SYNJ2BP: variants seen among roughly 807,000 people sequenced by gnomAD.
SYNJ2BP encodes the protein synaptojanin 2 binding protein, also known as synaptojanin-2-binding protein.
A neutral mutation model predicts 16.9 loss-of-function variants in SYNJ2BP; 10 were observed. That is an observed-to-expected ratio of 0.59 (90% confidence interval 0.36 to 1.00). SYNJ2BP has a LOEUF of 1.00. Among genes scored for constraint, SYNJ2BP ranks in the 50% least tolerant of loss-of-function variants. The probability of loss-of-function intolerance (pLI) is 0.01; values close to 1 mark genes in which losing one functional copy is unlikely to be tolerated. For synonymous variants in SYNJ2BP, 54 were observed against 68.4 expected (o/e 0.79, Z 1.04); for missense variants, 162 against 186.7 (o/e 0.87, Z 0.77).
At chr14:70,405,744 T>C (rs1464081103) in intron 1 of SYNJ2BP, among the ~76,000 whole-genome samples, 2 of 152,214 alleles carry the variant, frequency 1.3e-5, no homozygotes, top group Non-Finnish European at 2.9e-5. Context: ...AAAGGTAGAA[T>C]ATGGTTCTCT....
chr14:70,412,352 A>T (rs1352047518), intron 1 of SYNJ2BP, among the ~76,000 whole-genome samples: 1 of 152,040 alleles, frequency 6.6e-6, no homozygotes, highest in East Asian at 1.9e-4. Flanking sequence ...ATTTACTGGC[A>T]TTAGAAACTG....
chr14:70,386,984 C>CAG (rs1262189603), intron 2 of SYNJ2BP, among the ~76,000 whole-genome samples: 1 of 152,188 alleles, frequency 6.6e-6, no homozygotes, highest in Non-Finnish European at 1.5e-5. Context: ...TTGCCCTATT[C>CAG]AGTTCTAAAA....
rs764008816 is a variant in SYNJ2BP at position 70,369,994 on chromosome 14, A to G, written c.*2997T>C. On this transcript the variant is annotated 3_prime_UTR_variant, in exon 4 of 4. Transcript: ENST00000256366. ...TATAATGGATCCTGATACCTCATCT[A>G]TAATTTTAGTTTTCTATAGAATCAA... 7 of 152,194 alleles carry G rather than the reference A, an allele frequency of 4.6e-5. No homozygotes were observed. Among genetic ancestry groups the G allele is most frequent in the Non-Finnish European group, 7.3e-5 (5 of 68,048 alleles). 9.4% of individuals were successfully genotyped at this position (152,194 alleles called of 1,614,324 possible). A position where few individuals can be genotyped will look rare whatever the true frequency, so the allele number is the denominator to read the frequency against.
intron 1 of SYNJ2BP, among the ~76,000 whole-genome samples, chr14:70,395,140 G>A (rs915287360): frequency 2.0e-5 from 3 of 152,178 alleles, no homozygotes; most frequent in Non-Finnish European, 4.4e-5. Flanking sequence ...ATATATTCTA[G>A]AGGAAGAATT....
chr14:70,380,212 A>C (rs1217755570), intron 2 of SYNJ2BP, among the ~76,000 whole-genome samples: 1 of 152,246 alleles, frequency 6.6e-6, no homozygotes, highest in Non-Finnish European at 1.5e-5. Flanking sequence ...AGGCTGGCCC[A>C]AAAGCCTTCA....
chr14:70,381,965 G>A lies in SYNJ2BP; in HGVS notation c.202-6194C>T, dbSNP rs147106510. On this transcript the variant is annotated intron_variant, in intron 2 of 3. Coordinates refer to ENST00000256366, the MANE Select transcript of SYNJ2BP (RefSeq NM_018373.3). ...CAAGACCAGTTGTTTGGCCGGGCGC[G>A]GTGGCTCACGCCTGTAATCCCAGCA... is the stretch of plus-strand genomic sequence containing the variant. Among the ~76,000 whole-genome samples, 247 of 152,232 alleles carry A rather than the reference G, an allele frequency of 1.6e-3. 1 individual carries two copies. In the East Asian group the frequency reaches 0.039, roughly 24 times the overall value.
chr14:70,375,324 C>T (rs1025408403), intron 3 of SYNJ2BP, among the ~76,000 whole-genome samples: 1 of 151,586 alleles, frequency 6.6e-6, no homozygotes, highest in Non-Finnish European at 1.5e-5. Context: ...ACCTTAGCAT[C>T]CCAAGTAGCT....
Position 70,416,884 on chromosome 14 carries a change from C to T in SYNJ2BP, c.64+16G>A, listed in dbSNP as rs1358208962. On this transcript the variant is annotated intron_variant, in intron 1 of 3. Coordinates refer to ENST00000256366, the MANE Select transcript of SYNJ2BP (RefSeq NM_018373.3). ...TCTAATCCCCTACTGTCAGATATGA[C>T]CCTTTCCGCACATACCTGAGGGCCC... 3 of 1,613,962 alleles carry T rather than the reference C, an allele frequency of 1.9e-6. No individual in the cohort carries two copies. In the African/African-American group the frequency reaches 4.0e-5, roughly 22 times the overall value.
At chr14:70,388,356 C>G in intron 2 of SYNJ2BP, 114 bp downstream of exon 2, 1 of 1,356,062 alleles carries the variant, frequency 7.4e-7, no homozygotes, top group Non-Finnish European at 9.5e-7. Flanking sequence ...CCATTCAACT[C>G]TACAACCTGT....
chr14:70,393,263 T>C (rs1339480112), intron 1 of SYNJ2BP, among the ~76,000 whole-genome samples: 1 of 152,170 alleles, frequency 6.6e-6, no homozygotes, highest in East Asian at 1.9e-4. Context: ...TGCCATCTCA[T>C]GCCAATTGGA....
chr14:70,417,016 T>A lies in SYNJ2BP; in HGVS notation c.-53A>T. The A allele has an allele frequency of 6.2e-7, 1 of 1,613,270 alleles. No individual in the cohort carries two copies. The highest frequency in any genetic ancestry group is 1.1e-5 in the South Asian group (1 of 90,942). ...TGGGTCAGCTGGAGTGCAGCACAGG[T>A]GAAGGTGAATCAATCTCGGCGCTGC... On this transcript the variant is annotated 5_prime_UTR_variant, in exon 1 of 4. Transcript: ENST00000256366.
intron 1 of SYNJ2BP, among the ~76,000 whole-genome samples, chr14:70,396,588 G>GTATGTGTATA (rs1439478067): frequency 1.5e-4 from 23 of 151,200 alleles, no homozygotes; most frequent in Admixed American, 1.3e-3. Flanking sequence ...ATGTATGTAT[G>GTATGTGTATA]TATGTGTGTA....
Position 70,368,641 on chromosome 14 carries a change from C to T in SYNJ2BP, c.*4350G>A, listed in dbSNP as rs187415530. On this transcript the variant is annotated 3_prime_UTR_variant, in exon 4 of 4. Transcript: ENST00000256366. ...GCAAATCAGGAAGAAATGAATGTTC[C>T]ACTTACTTCGTGCAGAAGCTCAGGA... is the stretch of plus-strand genomic sequence containing the variant. 22 of 152,300 alleles carry T rather than the reference C, an allele frequency of 1.4e-4. No individual in the cohort carries two copies. The East Asian group carries it at 4.0e-3, about 28-fold the overall frequency. 9.4% of individuals were successfully genotyped at this position (152,300 alleles called of 1,614,324 possible).
chr14:70,417,080 A>T lies in SYNJ2BP; in HGVS notation c.-117T>A, dbSNP rs1888631587. On this transcript the variant is annotated 5_prime_UTR_variant, in exon 1 of 4. Coordinates refer to ENST00000256366, the MANE Select transcript of SYNJ2BP (RefSeq NM_018373.3). The stretch of plus-strand genomic sequence containing the variant: ...CGGTTTCGGTTTCAGCAGCCTCGAG[A>T]CCCGGAAAAGGAAGCCCGAAGGACT... The T allele has an allele frequency of 6.6e-7, 1 of 1,519,202 alleles. No homozygotes were observed. The highest frequency in any genetic ancestry group is 1.8e-5 in the Admixed American group (1 of 55,342). The allele number at this position is 1,519,202 out of a possible 1,614,324, so 94.1% of individuals were successfully genotyped here.
intron 2 of SYNJ2BP, among the ~76,000 whole-genome samples, chr14:70,378,184 A>G (rs2140815256): frequency 6.6e-6 from 1 of 152,038 alleles, no homozygotes; most frequent in South Asian, 2.1e-4. Flanking sequence ...TTCAGTATCA[A>G]TCCTCTATCT....
rs930339678 is a variant in SYNJ2BP, at chr14:70,401,107, T to C, written c.65-12501A>G. The stretch of plus-strand genomic sequence containing the variant: ...GGACTCACTTAACTTGGGATGCTGA[T>C]AAGCAGCAACAGCCAAAACAGGGAT... On this transcript the variant is annotated intron_variant, in intron 1 of 3. Coordinates refer to ENST00000256366, the MANE Select transcript of SYNJ2BP (RefSeq NM_018373.3). Among the ~76,000 whole-genome samples, 7 of 152,038 alleles carry C rather than the reference T, an allele frequency of 4.6e-5. 1 individual carries two copies. Among genetic ancestry groups the C allele is most frequent in the South Asian group, 4.1e-4 (2 of 4,824 alleles).
rs190339669 is a variant in SYNJ2BP at position 70,382,331 on chromosome 14, T to C, written c.201+6139A>G. On this transcript the variant is annotated intron_variant, in intron 2 of 3. Coordinates refer to ENST00000256366, the MANE Select transcript of SYNJ2BP (RefSeq NM_018373.3). ...AAAATTCATCACATATAGAAAAGTA[T>C]TGTTGTGTTAAACTTTTGCTTCAAA... Among the ~76,000 whole-genome samples the C allele has an allele frequency of 7.2e-5, 11 of 152,348 alleles. No homozygotes were observed. In the East Asian group the frequency reaches 9.6e-4, roughly 13 times the overall value.
Position 70,417,056 on chromosome 14 carries a change from G to C in SYNJ2BP, c.-93C>G. On this transcript the variant is annotated 5_prime_UTR_variant, in exon 1 of 4. Coordinates refer to ENST00000256366, the MANE Select transcript of SYNJ2BP (RefSeq NM_018373.3). The stretch of plus-strand genomic sequence containing the variant: ...CTCGGCGCTGCGCCCACAGCACAGC[G>C]GTTTCGGTTTCAGCAGCCTCGAGAC... 3 of 1,596,012 alleles carry C rather than the reference G, an allele frequency of 1.9e-6. No individual in the cohort carries two copies. Among genetic ancestry groups the C allele is most frequent in the Non-Finnish European group, 2.6e-6 (3 of 1,169,162 alleles).
chr14:70,372,981 A>G lies in SYNJ2BP; in HGVS notation c.*10T>C. On this transcript the variant is annotated 3_prime_UTR_variant, in exon 4 of 4. Coordinates refer to ENST00000256366, the MANE Select transcript of SYNJ2BP (RefSeq NM_018373.3). ...ATCTTCATTGGGAGTATTGAAAGAG[A>G]GCAAGTTTTTCAAAGTTGTTGCCGG... 2 of 1,613,918 alleles carry G rather than the reference A, an allele frequency of 1.2e-6. No homozygotes were observed. Among genetic ancestry groups the G allele is most frequent in the East Asian group, 2.2e-5 (1 of 44,886 alleles).
Sources: allele counts gnomAD v4.1 joint callset (sites outside exome capture counted in the v4.1 genomes callset), GRCh38; gene constraint gnomAD v4.1.1; transcripts MANE v1.5; gene names NCBI Gene and HGNC (gene_info 2026-07-23, HGNC 2026-07-21).